The following CDK13 variants were observed in gnomAD, a reference collection of about 807,000 sequenced individuals.
The protein encoded by CDK13 is cyclin-dependent kinase 13.
A neutral mutation model predicts 137.6 loss-of-function variants in CDK13; 40 were observed. The observed-to-expected ratio is 0.29, with a 90% CI of 0.23 to 0.38. CDK13 has a LOEUF of 0.38. Ranked by LOEUF, CDK13 falls within the 10% of genes least tolerant of loss-of-function variation. CDK13 has a pLI of 1.00. For synonymous variants in CDK13, 869 were observed against 760.1 expected, an observed-to-expected ratio of 1.14 and a Z score of -2.36; for missense variants, 1,704 against 1,951.8, an observed-to-expected ratio of 0.87 and a Z score of 2.39.
At chr7:40,003,694 T>A (rs1266911593) in intron 5 of CDK13, among the ~76,000 whole-genome samples, 1 of 152,196 alleles carries the variant, frequency 6.6e-6, no homozygotes, top group Non-Finnish European at 1.5e-5. Context: ...TCCTCCAGCA[T>A]ACCAGGGACG....
chr7:40,014,058 C>CT (rs927741062), intron 5 of CDK13, among the ~76,000 whole-genome samples: 970 of 60,960 alleles, frequency 0.016, 102 homozygotes, highest in African/African-American at 0.019. Flanking sequence ...GCTGTCTTGT[C>CT]TTTTTTTTTT....
At chr7:40,068,234 TA>T (rs1399865461) in intron 9 of CDK13, among the ~76,000 whole-genome samples, 2 of 151,662 alleles carry the variant, frequency 1.3e-5, no homozygotes, top group Non-Finnish European at 2.9e-5. Context: ...TCAAGAAAGG[TA>T]TCTCCCTTTA....
At chr7:40,083,105 A>T (rs1292246676) in intron 11 of CDK13, among the ~76,000 whole-genome samples, 1 of 37,310 alleles carries the variant, frequency 2.7e-5, no homozygotes, top group African/African-American at 2.6e-4. Flanking sequence ...TCTGTCTCCA[A>T]AAAAAAAAAA....
chr7:40,088,884 A>C (rs906583260), intron 12 of CDK13, among the ~76,000 whole-genome samples: 1 of 152,092 alleles, frequency 6.6e-6, no homozygotes, highest in Admixed American at 6.6e-5. Flanking sequence ...GTTCGAGACT[A>C]GCCTGGCCAA....
chr7:40,058,475 A>G (rs990834340), intron 7 of CDK13, among the ~76,000 whole-genome samples: 3 of 151,188 alleles, frequency 2.0e-5, no homozygotes, highest in Non-Finnish European at 4.4e-5. Context: ...CAGAGGTTGC[A>G]GTGAGCCAAG....
At chr7:39,997,428 T>C (rs1784587989) in intron 2 of CDK13, 66 bp from the exon 3 acceptor site, 1 of 1,173,234 alleles carries the variant, frequency 8.5e-7, no homozygotes, top group South Asian at 1.3e-5. Context: ...TAAATGTAAG[T>C]CATAAGCATA....
Position 39,950,681 on chromosome 7 carries a change from G to A in CDK13, c.40G>A (p.Gly14Ser). The change falls in exon 1 of 14, where the codon GGC (glycine) becomes AGC (serine). Residue 14 changes from glycine (G) to serine (S), a missense_variant. Gly to Ser is a moderately conservative substitution (Grantham distance 56). Around this residue, in one of 5 missense-constraint regions of CDK13, gnomAD observed 1,051 missense variants for 931.0 expected, o/e 1.13. Coordinates refer to ENST00000181839, the MANE Select transcript of CDK13 (RefSeq NM_003718.5). The part of the protein sequence containing the change: ...SSDTALGGGG[G>S]LSWAEKKLEE... ...GGACACGGCGCTGGGGGGAGGCGGG[G>A]GCCTGAGCTGGGCGGAGAAGAAGTT... 1 of 1,412,768 alleles carries A rather than the reference G, an allele frequency of 7.1e-7. No homozygotes were observed. Among genetic ancestry groups the A allele is most frequent in the Non-Finnish European group, 9.2e-7 (1 of 1,088,520 alleles). 87.5% of individuals were successfully genotyped at this position (1,412,768 alleles called of 1,614,324 possible). A position where few individuals can be genotyped will look rare whatever the true frequency, so the allele number is the denominator to read the frequency against.
In CDK13 at chr7:40,098,151, A is replaced by G. The variant is rs1008311192; in HGVS notation, c.*3171A>G. 6.6e-6 allele frequency: 1 copy of G among 152,144 alleles called. No individual in the cohort carries two copies. The highest frequency in any genetic ancestry group is 2.4e-5 in the African/African-American group (1 of 41,454). 9.4% of individuals were successfully genotyped at this position (152,144 alleles called of 1,614,324 possible). On this transcript the variant is annotated 3_prime_UTR_variant, in exon 14 of 14. Transcript: ENST00000181839. ...GATGGTTATGGAGAGAAATCAAACA[A>G]CTGGAATAGCTGTTTGATATCACTT... is the stretch of plus-strand genomic sequence containing the variant.
At chr7:40,011,406 C>T (rs919287862) in intron 5 of CDK13, among the ~76,000 whole-genome samples, 2 of 152,108 alleles carry the variant, frequency 1.3e-5, no homozygotes, top group Admixed American at 1.3e-4. Flanking sequence ...AGCTAGAGTG[C>T]TCAAGATTGT....
intron 5 of CDK13, among the ~76,000 whole-genome samples, chr7:40,014,212 G>T (rs1784956369): frequency 6.6e-6 from 1 of 151,326 alleles, no homozygotes; most frequent in Non-Finnish European, 1.5e-5. Context: ...GAGACTACAG[G>T]CAAGTGCTGC....
chr7:40,077,966 T>C (rs778199600), intron 9 of CDK13, 39 bp from the exon 10 acceptor site: 285 of 844,466 alleles, frequency 3.4e-4, no homozygotes, highest in Admixed American at 2.3e-3. Context: ...ATTCTTTATG[T>C]AGTTGATAGT....
rs780965454 is a variant in CDK13 at position 40,092,834 on chromosome 7, A to G, written c.3285A>G (p.Leu1095=). ...TAAACCACAGTGAATTGGCAATTCTACTAAACCTACTACAATCTAAAACAA... is the reference window on the plus strand; with the variant it reads ...TAAACCACAGTGAATTGGCAATTCTGCTAAACCTACTACAATCTAAAACAA... ...QHLNHSELAI[L]LNLLQSKTSV... The change falls in exon 13 of 14, where the codon CTA becomes CTG. Residue 1095 remains leucine, a synonymous_variant. Coordinates refer to ENST00000181839, the MANE Select transcript of CDK13 (RefSeq NM_003718.5). 1.1e-5 allele frequency: 18 copies of G among 1,614,096 alleles called. No homozygotes were observed. The highest frequency in any genetic ancestry group is 2.2e-5 in the South Asian group (2 of 91,092).
rs1787050076 is a variant in CDK13, at chr7:40,096,471, C to G, written c.*1491C>G. ...CAATTATACTAATTCTAGAAAGGAA[C>G]CAAAGGTAAATAACCAGTGTTTCCA... On this transcript the variant is annotated 3_prime_UTR_variant, in exon 14 of 14. Coordinates refer to ENST00000181839, the MANE Select transcript of CDK13 (RefSeq NM_003718.5). 1 of 151,752 alleles carries G rather than the reference C, an allele frequency of 6.6e-6. No homozygotes were observed. The highest frequency in any genetic ancestry group is 2.4e-5 in the African/African-American group (1 of 41,296). The allele number at this position is 151,752 out of a possible 1,614,324, so 9.4% of individuals were successfully genotyped here. A position where few individuals can be genotyped will look rare whatever the true frequency, so the allele number is the denominator to read the frequency against.
intron 1 of CDK13, among the ~76,000 whole-genome samples, chr7:39,953,698 A>G (rs1426290994): frequency 6.6e-6 from 1 of 152,200 alleles, no homozygotes; most frequent in East Asian, 1.9e-4. Flanking sequence ...ACCGTTCAAC[A>G]CATAATCTTT....
chr7:40,087,635 A>G (rs989457548), intron 11 of CDK13, among the ~76,000 whole-genome samples: 1 of 127,168 alleles, frequency 7.9e-6, no homozygotes, highest in Non-Finnish European at 1.6e-5. Flanking sequence ...CGCAACCTCC[A>G]CCTCCCGGGT....
Position 39,951,248 on chromosome 7 carries a change from C to G in CDK13, c.607C>G (p.Arg203Gly), listed in dbSNP as rs1583892640. The change falls in exon 1 of 14, where the codon CGC (arginine) becomes GGC (glycine). Residue 203 changes from arginine to glycine, a missense_variant. Arg to Gly is a moderately radical substitution (Grantham distance 125). Around this residue, in one of 5 missense-constraint regions of CDK13, gnomAD observed 1,051 missense variants for 931.0 expected, o/e 1.13. Transcript: ENST00000181839. Reference protein sequence around the residue: ...GSERRPRRDRRSSSGRSKERH... With the variant: ...GSERRPRRDRGSSSGRSKERH... ...GGAGCGCAGGCCCCGCCGGGACCGC[C>G]GCAGCAGCAGTGGCCGCAGCAAGGA... The G allele has an allele frequency of 7.7e-7, 1 of 1,300,544 alleles. No individual in the cohort carries two copies. The highest frequency in any genetic ancestry group is 9.7e-7 in the Non-Finnish European group (1 of 1,028,920). The allele number at this position is 1,300,544 out of a possible 1,614,324, so 80.6% of individuals were successfully genotyped here. A position where few individuals can be genotyped will look rare whatever the true frequency, so the allele number is the denominator to read the frequency against.
Position 40,078,702 on chromosome 7 carries a change from G to A in CDK13, c.2898-18G>A. On this transcript the variant is annotated intron_variant, in intron 10 of 13. Transcript: ENST00000181839. The stretch of plus-strand genomic sequence containing the variant: ...TGTCTAAAGAACACATCTAACTTTT[G>A]TAATCCTCTCATGCTAGTATTCCTG... 1 of 1,441,916 alleles carries A rather than the reference G, an allele frequency of 6.9e-7. No individual in the cohort carries two copies. 89.3% of individuals were successfully genotyped at this position (1,441,916 alleles called of 1,614,324 possible).
intron 9 of CDK13, among the ~76,000 whole-genome samples, chr7:40,064,263 A>C (rs1427738255): frequency 6.8e-6 from 1 of 147,790 alleles, no homozygotes; most frequent in Admixed American, 6.6e-5. Context: ...CAGCCTGGGC[A>C]ACAAGAGCGA....
chr7:40,073,355 T>A (rs1014892571), intron 9 of CDK13, among the ~76,000 whole-genome samples: 1 of 152,086 alleles, frequency 6.6e-6, no homozygotes, highest in African/African-American at 2.4e-5. Context: ...AATTTTTGTT[T>A]GTGGCCAGGA....
Sources: gnomAD v4.1 joint callset for allele counts (sites outside exome capture counted in the v4.1 genomes callset) on GRCh38, gnomAD v4.1.1 for gene constraint, gnomAD v4.1.1 regional missense constraint, MANE v1.5 for transcripts, NCBI Gene and HGNC (gene_info 2026-07-23, HGNC 2026-07-21) for gene names.